MAGT1: variants seen among roughly 807,000 people sequenced by gnomAD.
The protein encoded by MAGT1 is dolichyl-diphosphooligosaccharide--protein glycosyltransferase subunit MAGT1.
A neutral mutation model predicts 28.4 loss-of-function variants in MAGT1; 4 were observed. The ratio of observed to expected loss-of-function variants is 0.14; its 90% CI spans 0.07 to 0.32. MAGT1 has a LOEUF of 0.32. Ranked by LOEUF, MAGT1 falls within the 10% of genes least tolerant of loss-of-function variation. The pLI, the probability that MAGT1 is intolerant of heterozygous loss-of-function variation, is 1.00. For synonymous variants in MAGT1, 89 were observed against 89.7 expected (o/e 0.99, Z 0.04); for missense variants, 193 against 264.5 (o/e 0.73, Z 1.88).
intron 1 of MAGT1, among the ~76,000 whole-genome samples, chrX:77,876,164 A>ATATAT (rs1557217807): frequency 1.2e-4 from 3 of 24,973 alleles, no homozygotes; most frequent in African/African-American, 4.4e-4. Flanking sequence ...ATATATATAT[A>ATATAT]TTTTTTTTTT....
At chrX:77,844,137 G>T (rs1486274639) in intron 7 of MAGT1, among the ~76,000 whole-genome samples, 3 of 111,342 alleles carry the variant, frequency 2.7e-5, no homozygotes, top group Non-Finnish European at 5.6e-5. Context: ...CCTGTTATTG[G>T]TCTATTCAGA....
chrX:77,878,057 G>A (rs782733521), intron 1 of MAGT1, among the ~76,000 whole-genome samples: 58 of 104,863 alleles, frequency 5.5e-4, no homozygotes, highest in Non-Finnish European at 5.1e-4. Flanking sequence ...CGAGGCGGGT[G>A]GATCGCTTGA....
intron 7 of MAGT1, among the ~76,000 whole-genome samples, chrX:77,843,463 T>C (rs1363430061): frequency 9.0e-6 from 1 of 110,992 alleles, no homozygotes; most frequent in East Asian, 2.8e-4. Flanking sequence ...CTCAAACTCC[T>C]GGACTCAAGC....
At chrX:77,830,622 A>T (rs1203299192) in intron 9 of MAGT1, among the ~76,000 whole-genome samples, 183 bp downstream of exon 9, 1 of 109,787 alleles carries the variant, frequency 9.1e-6, no homozygotes, top group African/African-American at 3.3e-5. Flanking sequence ...TCTCAAAAAT[A>T]AATAAATAAA....
intron 7 of MAGT1, among the ~76,000 whole-genome samples, chrX:77,852,969 T>C (rs1222944461): frequency 7.1e-5 from 8 of 111,953 alleles, no homozygotes; most frequent in African/African-American, 9.7e-5. Context: ...TTTGTTCACC[T>C]TGTTGATTTG....
At chrX:77,845,703 G>T (rs2076949509) in intron 7 of MAGT1, among the ~76,000 whole-genome samples, 1 of 111,485 alleles carries the variant, frequency 9.0e-6, no homozygotes, top group Non-Finnish European at 1.9e-5. Flanking sequence ...ATGAAGCTTA[G>T]TTTGGCTGGA....
chrX:77,849,895 C>CA (rs1247445316), intron 7 of MAGT1, among the ~76,000 whole-genome samples: 2,936 of 50,590 alleles, frequency 0.058, 58 homozygotes, highest in Middle Eastern at 0.16. Flanking sequence ...AACAAAAAAC[C>CA]AAAAAAAAAA....
chrX:77,872,280 T>A (rs1427487570), intron 2 of MAGT1, among the ~76,000 whole-genome samples: 2 of 111,120 alleles, frequency 1.8e-5, no homozygotes, highest in South Asian at 3.9e-4. Flanking sequence ...TGTCCTCAGG[T>A]GATCCGCCTG....
intron 8 of MAGT1, among the ~76,000 whole-genome samples, chrX:77,834,262 G>GTA (rs34393902): frequency 0.5 from 41,174 of 82,128 alleles, 10,533 homozygotes; most frequent in Non-Finnish European, 0.66. Context: ...ATACATGTGT[G>GTA]TATATATGCA....
intron 1 of MAGT1, among the ~76,000 whole-genome samples, chrX:77,893,050 G>T (rs1286319591): frequency 2.7e-5 from 3 of 111,499 alleles, no homozygotes; most frequent in African/African-American, 9.8e-5. Context: ...ACTTTGGGAG[G>T]CCAAGGTGGG....
intron 7 of MAGT1, among the ~76,000 whole-genome samples, chrX:77,853,264 C>CT (rs2076973132): frequency 8.9e-6 from 1 of 111,955 alleles, no homozygotes. Flanking sequence ...ATATCCCCAT[C>CT]TTTGAGTAAT....
At chrX:77,861,493 T>C (rs2076994669) in intron 3 of MAGT1, among the ~76,000 whole-genome samples, 1 of 111,181 alleles carries the variant, frequency 9.0e-6, no homozygotes, top group African/African-American at 3.3e-5. Context: ...GCATGGAGGT[T>C]CCCCCAAAAG....
At chrX:77,840,764 A>C (rs1407819759) in intron 8 of MAGT1, among the ~76,000 whole-genome samples, 4 of 111,811 alleles carry the variant, frequency 3.6e-5, no homozygotes, top group African/African-American at 1.3e-4. Flanking sequence ...GGACAGCTTG[A>C]GCCTAGGGGC....
chrX:77,881,844 T>C (rs2077053655), intron 1 of MAGT1, among the ~76,000 whole-genome samples: 1 of 111,281 alleles, frequency 9.0e-6, no homozygotes, highest in Non-Finnish European at 1.9e-5. Flanking sequence ...TGCCACACTG[T>C]CTTCCACAAT....
intron 3 of MAGT1, among the ~76,000 whole-genome samples, chrX:77,869,245 C>A (rs782612995): frequency 9.0e-6 from 1 of 110,941 alleles, no homozygotes; most frequent in South Asian, 3.8e-4. Flanking sequence ...AAACTCTTGA[C>A]CTCGAGTGAT....
chrX:77,892,903 C>T (rs1230780092), intron 1 of MAGT1, among the ~76,000 whole-genome samples: 5 of 111,994 alleles, frequency 4.5e-5, no homozygotes, highest in Non-Finnish European at 9.4e-5. Context: ...GACATTTTGA[C>T]AGAAAATGCT....
chrX:77,864,747 C>T (rs1167938381), intron 3 of MAGT1, among the ~76,000 whole-genome samples: 2 of 111,061 alleles, frequency 1.8e-5, no homozygotes, highest in Non-Finnish European at 3.8e-5. Flanking sequence ...CTCTGTCACC[C>T]AGGCTGGAGT....
At chrX:77,875,921 T>A (rs1557217759) in intron 1 of MAGT1, among the ~76,000 whole-genome samples, 1 of 108,949 alleles carries the variant, frequency 9.2e-6, no homozygotes, top group Non-Finnish European at 1.9e-5. Context: ...AGCCTTGACC[T>A]CCTGGCCTCA....
intron 6 of MAGT1, among the ~76,000 whole-genome samples, chrX:77,854,867 T>A (rs1204335975): frequency 2.7e-5 from 3 of 112,049 alleles, no homozygotes; most frequent in Non-Finnish European, 5.6e-5. Flanking sequence ...CTTATCACTA[T>A]ATTTAATAAT....
Sources: allele counts gnomAD v4.1 joint callset (sites outside exome capture counted in the v4.1 genomes callset), GRCh38; gene constraint gnomAD v4.1.1; transcripts MANE v1.5; gene names NCBI Gene and HGNC (gene_info 2026-07-23, HGNC 2026-07-21).